The following CIMIP6 variants were observed in gnomAD, a reference collection of about 807,000 sequenced individuals.
The protein encoded by CIMIP6 is uncharacterized protein C2orf73.
the CIMIP6 span, among the ~76,000 whole-genome samples, chr2:54,379,178 A>G: frequency 6.6e-6 from 1 of 152,232 alleles, no homozygotes; most frequent in African/African-American, 2.4e-5. Flanking sequence ...ACTTCAAAAC[A>G]AGGCTTTTGC....
At chr2:54,344,942 A>G in the CIMIP6 span, among the ~76,000 whole-genome samples, 3 of 152,166 alleles carry the variant, frequency 2.0e-5, no homozygotes, top group Admixed American at 6.5e-5. Context: ...GCAAAACATA[A>G]CATTTATTGA....
At chr2:54,380,695 C>T in the CIMIP6 span, among the ~76,000 whole-genome samples, 2 of 152,212 alleles carry the variant, frequency 1.3e-5, no homozygotes, top group Non-Finnish European at 2.9e-5. Flanking sequence ...GTCCTCCACA[C>T]CTAGTTCCCA....
At chr2:54,378,690 T>C in the CIMIP6 span, among the ~76,000 whole-genome samples, 1 of 152,130 alleles carries the variant, frequency 6.6e-6, no homozygotes. Context: ...CACAAAACCA[T>C]ACAGAAAAAG....
the CIMIP6 span, chr2:54,334,875 C>T: frequency 1.1e-5 from 17 of 1,556,424 alleles, no homozygotes; most frequent in African/African-American, 2.2e-4. Context: ...AGAAATTAAA[C>T]ACGAAGAAAA....
At chr2:54,350,971 T>C in the CIMIP6 span, among the ~76,000 whole-genome samples, 1 of 152,252 alleles carries the variant, frequency 6.6e-6, no homozygotes, top group African/African-American at 2.4e-5. Context: ...TATAAGATTT[T>C]TAATTTCAAA....
the CIMIP6 span, among the ~76,000 whole-genome samples, chr2:54,339,366 A>G: frequency 6.7e-5 from 5 of 74,324 alleles, 2 homozygotes; most frequent in East Asian, 1.2e-3. Context: ...ACATTGGTAT[A>G]TAAAGGTTCT....
chr2:54,382,634 T>C, the CIMIP6 span, among the ~76,000 whole-genome samples: 1 of 152,192 alleles, frequency 6.6e-6, no homozygotes, highest in Non-Finnish European at 1.5e-5. Context: ...CCTTTGCATC[T>C]ACTAACTAGA....
chr2:54,347,536 GT>G, the CIMIP6 span, among the ~76,000 whole-genome samples: 1 of 152,110 alleles, frequency 6.6e-6, no homozygotes, highest in Admixed American at 6.6e-5. Flanking sequence ...AGCAGTTATG[GT>G]ACTTCAGCTA....
the CIMIP6 span, among the ~76,000 whole-genome samples, chr2:54,356,792 G>A: frequency 4.6e-5 from 7 of 152,260 alleles, no homozygotes; most frequent in African/African-American, 1.7e-4. Context: ...TAGGAAATGT[G>A]GTAAAGCCAG....
the CIMIP6 span, chr2:54,358,830 G>T: frequency 2.0e-6 from 1 of 501,284 alleles, no homozygotes; most frequent in Non-Finnish European, 3.5e-6. Context: ...TTATTATTTA[G>T]ATTGTGTAAA....
the CIMIP6 span, chr2:54,334,860 A>G: frequency 6.4e-7 from 1 of 1,552,710 alleles, no homozygotes; most frequent in Non-Finnish European, 8.7e-7. Flanking sequence ...TGTAAGTGAA[A>G]ATGAAGAAAT....
At chr2:54,384,019 A>G in the CIMIP6 span, among the ~76,000 whole-genome samples, 1 of 152,206 alleles carries the variant, frequency 6.6e-6, no homozygotes, top group Non-Finnish European at 1.5e-5. Context: ...TTCTAGAACT[A>G]TGAGCCAAAT....
the CIMIP6 span, chr2:54,335,157 C>A: frequency 1.5e-6 from 1 of 684,694 alleles, no homozygotes. Flanking sequence ...TAGTTAAAAG[C>A]AGTAACCTGA....
the CIMIP6 span, among the ~76,000 whole-genome samples, chr2:54,346,020 C>T: frequency 6.6e-5 from 10 of 152,088 alleles, no homozygotes; most frequent in Non-Finnish European, 1.3e-4. Context: ...TTATTTGGCA[C>T]GGATACTAAA....
At chr2:54,364,856 A>T in the CIMIP6 span, among the ~76,000 whole-genome samples, 1 of 152,246 alleles carries the variant, frequency 6.6e-6, no homozygotes, top group Admixed American at 6.5e-5. Context: ...TGTAGGATAA[A>T]ATATAACAGG....
At chr2:54,382,230 A>G in the CIMIP6 span, among the ~76,000 whole-genome samples, 1 of 152,308 alleles carries the variant, frequency 6.6e-6, no homozygotes, top group East Asian at 1.9e-4. Flanking sequence ...CTAAATCACT[A>G]TATTGTTATC....
the CIMIP6 span, among the ~76,000 whole-genome samples, chr2:54,349,823 C>T: frequency 6.6e-6 from 1 of 151,426 alleles, no homozygotes; most frequent in Admixed American, 6.6e-5. Flanking sequence ...TTTCTCCCCC[C>T]TTTATTTCCG....
the CIMIP6 span, among the ~76,000 whole-genome samples, chr2:54,369,566 T>A: frequency 2.0e-5 from 3 of 152,222 alleles, no homozygotes; most frequent in Non-Finnish European, 4.4e-5. Flanking sequence ...AGTTTCATTA[T>A]CTCTTCACGA....
the CIMIP6 span, among the ~76,000 whole-genome samples, chr2:54,374,744 A>T: frequency 6.6e-6 from 1 of 152,208 alleles, no homozygotes; most frequent in East Asian, 1.9e-4. Context: ...TTGGAAAAAT[A>T]AAGGCAGAAT....
Sources: gnomAD v4.1 joint callset for allele counts (sites outside exome capture counted in the v4.1 genomes callset) on GRCh38, gnomAD v4.1.1 for gene constraint, MANE v1.5 for transcripts, NCBI Gene and HGNC (gene_info 2026-07-23, HGNC 2026-07-21) for gene names.